Variants in TRANK1 observed in about 807,000 individuals in gnomAD.
TRANK1 encodes the protein tetratricopeptide repeat and ankyrin repeat containing 1, also known as TPR and ankyrin repeat-containing protein 1.
TRANK1 carries 198 observed loss-of-function variants against 266.0 expected under a neutral mutation model. The ratio of observed to expected loss-of-function variants is 0.74; its 90% CI spans 0.66 to 0.84. TRANK1 has a LOEUF of 0.84. Ranked by LOEUF, TRANK1 falls within the 40% of genes least tolerant of loss-of-function variation. The pLI, the probability that TRANK1 is intolerant of heterozygous loss-of-function variation, is 0.00. For missense variants in TRANK1, 3,326 were observed against 3,634.6 expected (o/e 0.92, Z 2.18); for synonymous variants, 1,396 against 1,384.1 (o/e 1.01, Z -0.19).
chr3:36,911,390 T>C (rs530708424), intron 1 of TRANK1, among the ~76,000 whole-genome samples: 16 of 152,266 alleles, frequency 1.1e-4, no homozygotes, highest in Admixed American at 5.9e-4. Flanking sequence ...AGACCATAAA[T>C]GTTATCAAAC....
intron 1 of TRANK1, among the ~76,000 whole-genome samples, chr3:36,920,530 C>T (rs2080199919): frequency 6.6e-6 from 1 of 151,942 alleles, no homozygotes; most frequent in African/African-American, 2.4e-5. Flanking sequence ...TGGAGGATTC[C>T]AAGACAGTGT....
chr3:36,879,625 TAA>T (rs1379166966), intron 8 of TRANK1, among the ~76,000 whole-genome samples: 1 of 105,858 alleles, frequency 9.4e-6, no homozygotes, highest in African/African-American at 4.7e-5. Flanking sequence ...CAAATATATA[TAA>T]ATATATATAA....
At chr3:36,865,454 C>T (rs1263600161) in intron 9 of TRANK1, among the ~76,000 whole-genome samples, 1 of 152,186 alleles carries the variant, frequency 6.6e-6, no homozygotes, top group African/African-American at 2.4e-5. Context: ...TACATGTCAG[C>T]CACCCAAACT....
At chr3:36,871,903 G>GC (rs2079315287) in intron 9 of TRANK1, among the ~76,000 whole-genome samples, 1 of 152,128 alleles carries the variant, frequency 6.6e-6, no homozygotes, top group African/African-American at 2.4e-5. Context: ...CCCAACACAT[G>GC]CCCTCTACAG....
intron 8 of TRANK1, chr3:36,880,827 T>G (rs1172146130): frequency 1.3e-5 from 2 of 151,704 alleles, no homozygotes; most frequent in Non-Finnish European, 2.9e-5. Flanking sequence ...GCCATGTTGG[T>G]GTGCTGCACC....
At chr3:36,850,428 C>G in intron 15 of TRANK1, 1 of 985,408 alleles carries the variant, frequency 1.0e-6, no homozygotes, top group East Asian at 1.1e-4. Flanking sequence ...TCTCCAGGCT[C>G]TGCCATCTAC....
intron 9 of TRANK1, among the ~76,000 whole-genome samples, chr3:36,865,804 C>A (rs868531567): frequency 3.9e-5 from 6 of 151,934 alleles, no homozygotes; most frequent in South Asian, 2.1e-4. Flanking sequence ...TGGCACATGC[C>A]TGTGGTCCCA....
At chr3:36,940,499 C>CA (rs144323903) in intron 1 of TRANK1, among the ~76,000 whole-genome samples, 65,981 of 141,210 alleles carry the variant, frequency 0.47, 16,209 homozygotes, top group Non-Finnish European at 0.57. Context: ...GAATCTGTTT[C>CA]AAAAAAAAAA....
chr3:36,838,779 T>A, intron 18 of TRANK1, 63 bp from the exon 19 acceptor site: 1 of 1,486,950 alleles, frequency 6.7e-7, no homozygotes, highest in Non-Finnish European at 9.2e-7. Flanking sequence ...GAACAACGGT[T>A]AAAGCATGCA....
At chr3:36,879,864 A>ATGTAAATATACAAATATT (rs1559449111) in intron 8 of TRANK1, among the ~76,000 whole-genome samples, 1 of 99,690 alleles carries the variant, frequency 1.0e-5, no homozygotes, top group Admixed American at 1.2e-4. Context: ...ATACAAATAT[A>ATGTAAATATACAAATATT]TGTAAACATA....
At position 36,857,367 on chromosome 3, in the gene TRANK1, C is replaced by T. The variant is rs777505353; in HGVS notation, c.2355G>A (p.Glu785=). ...TLGAGAPDCS[E]VGEGHAQVGL... ...CCACCTGAGCATGTCCTTCCCCCACCTCACTACAGTCAGGGGCCCCTGCAC... is the reference window on the plus strand; with the variant it reads ...CCACCTGAGCATGTCCTTCCCCCACTTCACTACAGTCAGGGGCCCCTGCAC... The change falls in exon 13 of 24, where the codon GAG becomes GAA. Residue 785 remains glutamate (E), a synonymous_variant. Coordinates refer to ENST00000645898, the MANE Select transcript of TRANK1 (RefSeq NM_001329998.2). This position sits in a 1 kb window ranked among gnomAD's most constrained non-coding sequence, Gnocchi z 4.3. 1.9e-6 allele frequency: 3 copies of T among 1,608,120 alleles called. No individual in the cohort carries two copies. The highest frequency in any genetic ancestry group is 2.5e-6 in the Non-Finnish European group (3 of 1,177,184).
In TRANK1 at chr3:36,831,915, C is replaced by G; in HGVS notation, c.7668G>C (p.Ser2556=). 1 of 1,614,028 alleles carries G rather than the reference C, an allele frequency of 6.2e-7. No homozygotes were observed. Among genetic ancestry groups the G allele is most frequent in the Middle Eastern group, 1.7e-4 (1 of 6,060 alleles). The change falls in exon 22 of 24, where the codon TCG becomes TCC. Residue 2556 remains serine (S), a synonymous_variant. Transcript: ENST00000645898. The surrounding 1 kb of genome is among the most constrained non-coding windows in gnomAD (Gnocchi z 5.0). ...DAFSEIDYVV[S]GEAERTLVLC... ...GCACCAGTGTCCGCTCAGCCTCACC[C>G]GAGACCACATAGTCTATTTCACTGA... is the stretch of plus-strand genomic sequence containing the variant.
At chr3:36,894,821 C>A (rs915618801) in intron 5 of TRANK1, among the ~76,000 whole-genome samples, 1 of 152,150 alleles carries the variant, frequency 6.6e-6, no homozygotes, top group African/African-American at 2.4e-5. Context: ...TTTGAAAGCC[C>A]AGGAGGGCTG....
chr3:36,902,126 T>A (rs1471940515), intron 3 of TRANK1, among the ~76,000 whole-genome samples: 8 of 152,072 alleles, frequency 5.3e-5, no homozygotes, highest in Non-Finnish European at 1.0e-4. Flanking sequence ...TTTAAAAAAA[T>A]AACCGCAAAA....
intron 1 of TRANK1, among the ~76,000 whole-genome samples, chr3:36,918,511 GAAA>G (rs2080161258): frequency 5.3e-5 from 2 of 37,950 alleles, no homozygotes; most frequent in African/African-American, 2.1e-4. Flanking sequence ...AAGAAAGAAA[GAAA>G]GAAAGAAAGA....
chr3:36,870,573 C>A (rs551699068), intron 9 of TRANK1, among the ~76,000 whole-genome samples: 70 of 152,082 alleles, frequency 4.6e-4, no homozygotes, highest in Admixed American at 2.6e-4. Context: ...TTCAATATTC[C>A]TCTAGCATGG....
intron 9 of TRANK1, among the ~76,000 whole-genome samples, chr3:36,870,484 G>A (rs924892797): frequency 2.0e-5 from 3 of 150,876 alleles, no homozygotes; most frequent in Admixed American, 1.3e-4. Flanking sequence ...ACTCCACCTT[G>A]CCAGCCCTTC....
chr3:36,831,709 T>C lies in TRANK1; in HGVS notation c.7874A>G (p.Lys2625Arg). ...VKRVLVAVNV[K>R]SVAEALQDLL... is the part of the protein sequence containing the mutation. The stretch of plus-strand genomic sequence containing the variant: ...GTCCTGCAGTGCCTCAGCCACAGAC[T>C]TCACATTGACTGCCACCAAGACCCG... The change falls in exon 22 of 24, where the codon AAG (lysine) becomes AGG (arginine). Residue 2625 changes from lysine (K) to arginine (R), a missense_variant. Transcript: ENST00000645898. The surrounding 1 kb of genome is among the most constrained non-coding windows in gnomAD (Gnocchi z 5.0). 1 of 1,613,924 alleles carries C rather than the reference T, an allele frequency of 6.2e-7. No homozygotes were observed. Among genetic ancestry groups the C allele is most frequent in the Non-Finnish European group, 8.5e-7 (1 of 1,179,864 alleles).
At chr3:36,901,264 C>A (rs1385872284) in intron 3 of TRANK1, among the ~76,000 whole-genome samples, 1 of 152,120 alleles carries the variant, frequency 6.6e-6, no homozygotes, top group East Asian at 1.9e-4. Context: ...AAAGCAGAAA[C>A]TCTGAAGAAA....
Sources: gnomAD v4.1 joint callset for allele counts (sites outside exome capture counted in the v4.1 genomes callset) on GRCh38, gnomAD v4.1.1 for gene constraint, Gnocchi (gnomAD v3.1) non-coding constraint, MANE v1.5 for transcripts, NCBI Gene and HGNC (gene_info 2026-07-23, HGNC 2026-07-21) for gene names.